Variants in WDR70 observed in about 807,000 individuals in gnomAD.
WDR70 encodes WD repeat-containing protein 70.
Under a neutral mutation model 88.6 loss-of-function variants are expected in WDR70, and 53 were observed. The ratio of observed to expected loss-of-function variants is 0.60; its 90% CI spans 0.48 to 0.75. The LOEUF (loss-of-function observed/expected upper bound fraction) is 0.75. WDR70 is among the 30% of genes least tolerant of loss of function. The pLI, the probability that WDR70 is intolerant of heterozygous loss-of-function variation, is 0.00. For missense variants in WDR70, 610 were observed against 823.2 expected (o/e 0.74, Z 3.17); for synonymous variants, 280 against 270.0 (o/e 1.04, Z -0.36).
At chr5:37,526,115 C>T (rs946377926) in intron 9 of WDR70, among the ~76,000 whole-genome samples, 1 of 152,188 alleles carries the variant, frequency 6.6e-6, no homozygotes, top group Non-Finnish European at 1.5e-5. Flanking sequence ...AAGAGGGAAT[C>T]CTCCCTAACT....
chr5:37,386,126 A>G (rs934250403), intron 3 of WDR70, among the ~76,000 whole-genome samples: 1 of 152,012 alleles, frequency 6.6e-6, no homozygotes, highest in African/African-American at 2.4e-5. Flanking sequence ...TATATTTCAT[A>G]TTATACCACA....
intron 8 of WDR70, among the ~76,000 whole-genome samples, chr5:37,494,493 A>G (rs998593834): frequency 6.6e-6 from 1 of 152,188 alleles, no homozygotes. Context: ...GAATAAAAGC[A>G]CTTCATTGTA....
chr5:37,640,410 TGTG>T (rs1235934235), intron 10 of WDR70, among the ~76,000 whole-genome samples: 1 of 152,224 alleles, frequency 6.6e-6, no homozygotes, highest in Non-Finnish European at 1.5e-5. Context: ...CTCTTTCTGA[TGTG>T]GTGTTCACTA....
chr5:37,658,001 T>C (rs1378714115), intron 10 of WDR70, among the ~76,000 whole-genome samples: 2 of 152,210 alleles, frequency 1.3e-5, no homozygotes, highest in Non-Finnish European at 2.9e-5. Flanking sequence ...GTATGTAATA[T>C]GTACTGTCTT....
At chr5:37,509,211 A>C (rs1455463499) in intron 8 of WDR70, among the ~76,000 whole-genome samples, 3 of 151,920 alleles carry the variant, frequency 2.0e-5, no homozygotes, top group Non-Finnish European at 4.4e-5. Flanking sequence ...TGGATGCTTT[A>C]ATTATTAATT....
intron 9 of WDR70, among the ~76,000 whole-genome samples, chr5:37,558,646 A>C (rs1742389035): frequency 6.6e-6 from 1 of 151,688 alleles, no homozygotes; most frequent in African/African-American, 2.4e-5. Flanking sequence ...CTTTAAAACA[A>C]TTTTTTTTCT....
intron 8 of WDR70, 126 bp from the exon 9 acceptor site, chr5:37,516,388 A>G: frequency 1.9e-6 from 1 of 515,176 alleles, no homozygotes; most frequent in East Asian, 3.1e-5. Context: ...TAGGTTTATA[A>G]TTAAAATGGT....
At chr5:37,670,612 A>T (rs1745998591) in intron 10 of WDR70, among the ~76,000 whole-genome samples, 1 of 152,248 alleles carries the variant, frequency 6.6e-6, no homozygotes, top group Non-Finnish European at 1.5e-5. Flanking sequence ...TAGGAAGATT[A>T]GCCCAAGATC....
At chr5:37,751,601 A>T (rs1397234608) in intron 17 of WDR70, among the ~76,000 whole-genome samples, 1 of 152,250 alleles carries the variant, frequency 6.6e-6, no homozygotes, top group Non-Finnish European at 1.5e-5. Context: ...TATTTTTACC[A>T]TTCTGGAATT....
chr5:37,471,040 C>T (rs11739453), intron 7 of WDR70, among the ~76,000 whole-genome samples: 39,616 of 151,930 alleles, frequency 0.26, 5,767 homozygotes, highest in East Asian at 0.48. Flanking sequence ...TGAGCCACCA[C>T]GCATGGCTAA....
chr5:37,683,909 C>T (rs1746509971), intron 10 of WDR70, among the ~76,000 whole-genome samples: 1 of 152,172 alleles, frequency 6.6e-6, no homozygotes, highest in Admixed American at 6.6e-5. Context: ...TGGCAAAGTT[C>T]TCATGGATGA....
chr5:37,384,570 G>T (rs1168020917), intron 3 of WDR70, among the ~76,000 whole-genome samples: 2 of 140,546 alleles, frequency 1.4e-5, no homozygotes, highest in Non-Finnish European at 3.0e-5. Context: ...TGAGGCAGGA[G>T]AATGGCGTGA....
At chr5:37,693,654 T>A (rs1468282285) in intron 10 of WDR70, among the ~76,000 whole-genome samples, 1 of 152,238 alleles carries the variant, frequency 6.6e-6, no homozygotes. Flanking sequence ...GCTAGCCATC[T>A]GTAGAAAGCT....
chr5:37,511,471 C>T (rs185517735), intron 8 of WDR70, among the ~76,000 whole-genome samples: 114 of 151,752 alleles, frequency 7.5e-4, no homozygotes, highest in African/African-American at 2.5e-3. Flanking sequence ...AAATGTTCCA[C>T]GTTCATCTTG....
chr5:37,479,831 C>T lies in WDR70; in HGVS notation c.687-3C>T. ...TACCAACTTTCCTTTTCTTTTCGTA[C>T]AGCCATCAGATCAAGTCATTACAGT... On this transcript the variant is annotated splice_region_variant and splice_polypyrimidine_tract_variant and intron_variant, in intron 7 of 17. Coordinates refer to ENST00000265107, the MANE Select transcript of WDR70 (RefSeq NM_018034.4). 6.2e-7 allele frequency: 1 copy of T among 1,604,478 alleles called. No individual in the cohort carries two copies. Among genetic ancestry groups the T allele is most frequent in the Non-Finnish European group, 8.5e-7 (1 of 1,176,478 alleles).
At chr5:37,613,164 G>A (rs1561922997) in intron 10 of WDR70, among the ~76,000 whole-genome samples, 1 of 152,126 alleles carries the variant, frequency 6.6e-6, no homozygotes, top group Non-Finnish European at 1.5e-5. Context: ...AGGGTAAAAG[G>A]TTTTTTAAAA....
At position 37,726,999 on chromosome 5, in the gene WDR70, A is replaced by G. The variant is rs1028916375; in HGVS notation, c.1831A>G (p.Lys611Glu). The part of the protein sequence containing the change: ...NPREAILRHA[K>E]AAEDSPYWVS... ...TCGGGAAGCCATTTTGCGTCATGCC[A>G]AAGCAGCAGAAGACAGCCCATATTG... Residue 611 changes from lysine (K) to glutamate (E), a missense_variant, in exon 17 of 18, where the codon AAA (lysine) becomes GAA (glutamate). Around this residue, in one of 4 missense-constraint regions of WDR70, gnomAD observed 70 missense variants for 139.2 expected, o/e 0.50. Transcript: ENST00000265107. The G allele has an allele frequency of 1.2e-6, 2 of 1,611,208 alleles. No individual in the cohort carries two copies. Among genetic ancestry groups the G allele is most frequent in the African/African-American group, 2.7e-5 (2 of 74,766 alleles).
rs565612055 is a variant in WDR70 at position 37,596,310 on chromosome 5, T to G, written c.918-8754T>G. 2.6e-5 allele frequency among the ~76,000 whole-genome samples: 4 copies of G among 152,292 alleles called. No individual in the cohort carries two copies. In the South Asian group the frequency reaches 8.3e-4, roughly 32 times the overall value. On this transcript the variant is annotated intron_variant, in intron 9 of 17. Transcript: ENST00000265107. ...AGAACCCCAGTGTTATAAGACACCTTGGCATCTATAAACCAACAGAAATAT... is the reference window on the plus strand; with the variant it reads ...AGAACCCCAGTGTTATAAGACACCTGGGCATCTATAAACCAACAGAAATAT...
chr5:37,730,929 T>C (rs1407860331), intron 17 of WDR70, among the ~76,000 whole-genome samples: 2 of 152,050 alleles, frequency 1.3e-5, no homozygotes, highest in Non-Finnish European at 2.9e-5. Context: ...GAGATAAAGA[T>C]TTACATAAAG....
Sources: gnomAD v4.1 joint callset for allele counts (sites outside exome capture counted in the v4.1 genomes callset) on GRCh38, gnomAD v4.1.1 for gene constraint, gnomAD v4.1.1 regional missense constraint, MANE v1.5 for transcripts, NCBI Gene and HGNC (gene_info 2026-07-23, HGNC 2026-07-21) for gene names.